The following CACNA2D2 variants were observed in gnomAD, a reference collection of about 807,000 sequenced individuals.
The protein encoded by CACNA2D2 is voltage-dependent calcium channel subunit alpha-2/delta-2.
A neutral mutation model predicts 166.4 loss-of-function variants in CACNA2D2; 48 were observed. The ratio of observed to expected loss-of-function variants is 0.29; its 90% CI spans 0.23 to 0.37. The LOEUF (loss-of-function observed/expected upper bound fraction) is 0.37, where lower values mean the gene tolerates loss of function less well. CACNA2D2 is among the 10% of genes least tolerant of loss of function. The probability of loss-of-function intolerance (pLI) is 1.00; values close to 1 mark genes in which losing one functional copy is unlikely to be tolerated. For missense variants in CACNA2D2, 1,122 were observed against 1,433.0 expected, an observed-to-expected ratio of 0.78 and a Z score of 3.50; for synonymous variants, 561 against 573.7, an observed-to-expected ratio of 0.98 and a Z score of 0.32.
intron 3 of CACNA2D2, among the ~76,000 whole-genome samples, chr3:50,420,325 G>A (rs1258196612): frequency 6.6e-6 from 1 of 152,232 alleles, no homozygotes; most frequent in East Asian, 1.9e-4. Context: ...GCTCTGAGCT[G>A]CACGGGGCCC....
intron 4 of CACNA2D2, among the ~76,000 whole-genome samples, chr3:50,393,669 G>A (rs1222892479): frequency 1.3e-5 from 2 of 152,222 alleles, no homozygotes; most frequent in Non-Finnish European, 2.9e-5. Flanking sequence ...GGGCCTCCAG[G>A]GTGGACAGGT....
intron 3 of CACNA2D2, among the ~76,000 whole-genome samples, chr3:50,400,078 A>G (rs755494923): frequency 3.3e-5 from 5 of 152,376 alleles, no homozygotes; most frequent in African/African-American, 7.2e-5. Flanking sequence ...TAGATACTAA[A>G]TACAGATTTC....
At chr3:50,441,959 C>A (rs1411037931) in intron 2 of CACNA2D2, among the ~76,000 whole-genome samples, 1 of 152,228 alleles carries the variant, frequency 6.6e-6, no homozygotes, top group African/African-American at 2.4e-5. Context: ...CCCCCCACCA[C>A]AGGGACTATT....
chr3:50,479,177 G>GTC (rs957035351), intron 1 of CACNA2D2, among the ~76,000 whole-genome samples: 12 of 151,678 alleles, frequency 7.9e-5, no homozygotes, highest in African/African-American at 2.4e-4. Context: ...CTCCCTCCTT[G>GTC]TCTCTCTCTC....
At chr3:50,405,800 C>T (rs550910859) in intron 3 of CACNA2D2, among the ~76,000 whole-genome samples, 4 of 152,326 alleles carry the variant, frequency 2.6e-5, no homozygotes, top group Admixed American at 1.3e-4. Flanking sequence ...AGGGACAGAG[C>T]TTGGACCTGT....
At chr3:50,407,673 T>G (rs1188220399) in intron 3 of CACNA2D2, among the ~76,000 whole-genome samples, 1 of 152,202 alleles carries the variant, frequency 6.6e-6, no homozygotes, top group Non-Finnish European at 1.5e-5. Flanking sequence ...GGGCTTCTAC[T>G]AGTCCCAGCC....
intron 2 of CACNA2D2, among the ~76,000 whole-genome samples, chr3:50,462,615 G>A (rs550416400): frequency 6.6e-6 from 1 of 151,872 alleles, no homozygotes; most frequent in South Asian, 2.1e-4. Context: ...TGGGCTGGGG[G>A]AGGGGTGCAA....
At chr3:50,452,953 C>G (rs2106963365) in intron 2 of CACNA2D2, among the ~76,000 whole-genome samples, 1 of 152,304 alleles carries the variant, frequency 6.6e-6, no homozygotes, top group East Asian at 1.9e-4. Context: ...CTCATCCCTG[C>G]TAAAATCTAG....
chr3:50,437,565 A>G (rs552493128), intron 2 of CACNA2D2, among the ~76,000 whole-genome samples: 10 of 152,198 alleles, frequency 6.6e-5, no homozygotes, highest in South Asian at 4.2e-4. Flanking sequence ...ACTTGCTCCA[A>G]TTGTTCCTGT....
chr3:50,471,244 G>A (rs1380881075), intron 2 of CACNA2D2, among the ~76,000 whole-genome samples: 1 of 151,966 alleles, frequency 6.6e-6, no homozygotes, highest in African/African-American at 2.4e-5. Context: ...GCTGTGCCAT[G>A]CTTGCCACCC....
At chr3:50,404,199 G>C (rs769152902) in intron 3 of CACNA2D2, among the ~76,000 whole-genome samples, 1 of 152,148 alleles carries the variant, frequency 6.6e-6, no homozygotes, top group Non-Finnish European at 1.5e-5. Flanking sequence ...AAGATGGTGT[G>C]GGGGGTGAAG....
chr3:50,396,296 G>A (rs1351592637), intron 3 of CACNA2D2, among the ~76,000 whole-genome samples: 1 of 152,032 alleles, frequency 6.6e-6, no homozygotes, highest in Non-Finnish European at 1.5e-5. Flanking sequence ...GCTCTGTCCT[G>A]CCCGGAACCT....
Position 50,367,601 on chromosome 3 carries a change from C to T in CACNA2D2, c.2297+41G>A, listed in dbSNP as rs587695445. On this transcript the variant is annotated intron_variant, in intron 26 of 37. Coordinates refer to ENST00000424201, the MANE Select transcript of CACNA2D2 (RefSeq NM_006030.4). This position sits in a 1 kb window ranked among gnomAD's most constrained non-coding sequence, Gnocchi z 6.5. ...TCTGGGCAGAACAGATGCAGGTTCC[C>T]TGGCAGGGGCAGGGTTTGGGTAGTG... The T allele has an allele frequency of 1.2e-6, 2 of 1,608,688 alleles. No homozygotes were observed. Among genetic ancestry groups the T allele is most frequent in the Admixed American group, 1.7e-5 (1 of 59,908 alleles).
At chr3:50,485,375 CA>C (rs1698233864) in intron 1 of CACNA2D2, among the ~76,000 whole-genome samples, 1 of 152,246 alleles carries the variant, frequency 6.6e-6, no homozygotes, top group South Asian at 2.1e-4. Context: ...TAGTGGTTTT[CA>C]AACTGCTCCA....
intron 23 of CACNA2D2, among the ~76,000 whole-genome samples, chr3:50,369,485 C>G (rs1422687373): frequency 6.6e-6 from 1 of 152,246 alleles, no homozygotes; most frequent in Non-Finnish European, 1.5e-5. Flanking sequence ...ATACACACAT[C>G]TACAGAGAGA....
chr3:50,442,135 TG>T (rs1392496298), intron 2 of CACNA2D2, among the ~76,000 whole-genome samples: 3 of 152,154 alleles, frequency 2.0e-5, no homozygotes, highest in Non-Finnish European at 4.4e-5. Flanking sequence ...GCTCCCTTGG[TG>T]GTCACGAGGA....
intron 3 of CACNA2D2, among the ~76,000 whole-genome samples, chr3:50,424,866 G>C (rs923156953): frequency 5.3e-5 from 8 of 152,108 alleles, no homozygotes; most frequent in Non-Finnish European, 1.2e-4. Context: ...TCAGGGGTTA[G>C]CTTGGGGAAG....
At chr3:50,454,708 T>G (rs1268340180) in intron 2 of CACNA2D2, among the ~76,000 whole-genome samples, 4 of 152,196 alleles carry the variant, frequency 2.6e-5, no homozygotes, top group Admixed American at 2.6e-4. Context: ...AAAAAAATTT[T>G]TTTTTTGATT....
rs587723974 is a variant in CACNA2D2, at chr3:50,364,893, C to T, written c.3286G>A (p.Ala1096Thr). 2.9e-5 allele frequency: 47 copies of T among 1,613,370 alleles called. No homozygotes were observed. Among genetic ancestry groups the T allele is most frequent in the Non-Finnish European group, 3.6e-5 (43 of 1,179,914 alleles). The change falls in exon 37 of 38, where the codon GCG (alanine) becomes ACG (threonine). Residue 1096 changes from alanine to threonine, a missense_variant. Around this residue, in one of 2 missense-constraint regions of CACNA2D2, gnomAD observed 282 missense variants for 266.2 expected, o/e 1.06. Coordinates refer to ENST00000424201, the MANE Select transcript of CACNA2D2 (RefSeq NM_006030.4). ...RGPHICFDYN[A>T]TEDTSDCGRG... Reference sequence around the variant, plus strand: ...CCACCGCCCCCTCTCCTCACTGTCGCGTTGTAGTCGAAGCAGATGTGCGGG... The same window carrying T: ...CCACCGCCCCCTCTCCTCACTGTCGTGTTGTAGTCGAAGCAGATGTGCGGG...
Sources: allele counts gnomAD v4.1 joint callset (sites outside exome capture counted in the v4.1 genomes callset), GRCh38; gene constraint gnomAD v4.1.1; regional missense constraint gnomAD v4.1.1; non-coding constraint Gnocchi (gnomAD v3.1); transcripts MANE v1.5; gene names NCBI Gene and HGNC (gene_info 2026-07-23, HGNC 2026-07-21).